Variants in NPAS3 observed in about 807,000 individuals in gnomAD.
NPAS3 encodes neuronal PAS domain protein 3, also known as neuronal PAS domain-containing protein 3.
Under a neutral mutation model 73.1 loss-of-function variants are expected in NPAS3, and 14 were observed. The observed-to-expected ratio is 0.19, with a 90% CI of 0.13 to 0.30. The LOEUF (loss-of-function observed/expected upper bound fraction) is 0.30, where lower values mean the gene tolerates loss of function less well. Among genes scored for constraint, NPAS3 ranks in the 10% least tolerant of loss-of-function variants. The pLI is 1.00. For missense variants in NPAS3, 1,096 were observed against 1,250.0 expected (o/e 0.88, Z 1.86); for synonymous variants, 620 against 541.5 (o/e 1.14, Z -2.01).
At chr14:33,586,419 TAAAAG>T (rs1241695782) in intron 5 of NPAS3, among the ~76,000 whole-genome samples, 1 of 152,014 alleles carries the variant, frequency 6.6e-6, no homozygotes, top group African/African-American at 2.4e-5. Flanking sequence ...ATATAAAAGA[TAAAAG>T]AAGAATATAA....
At chr14:32,965,102 A>G (rs1378110848) in intron 1 of NPAS3, among the ~76,000 whole-genome samples, 1 of 152,230 alleles carries the variant, frequency 6.6e-6, no homozygotes, top group African/African-American at 2.4e-5. Flanking sequence ...AAAGCTCAGG[A>G]CTTGATGGAT....
At chr14:33,002,105 T>C (rs182889297) in intron 1 of NPAS3, among the ~76,000 whole-genome samples, 1 of 152,370 alleles carries the variant, frequency 6.6e-6, no homozygotes, top group Non-Finnish European at 1.5e-5. Context: ...CCAGTAATAC[T>C]TCACTTGTGT....
intron 2 of NPAS3, among the ~76,000 whole-genome samples, chr14:33,096,942 T>C (rs527677573): frequency 6.6e-6 from 1 of 152,360 alleles, no homozygotes; most frequent in African/African-American, 2.4e-5. Flanking sequence ...CCACTACTTA[T>C]GTTAACTACT....
chr14:33,554,208 A>T (rs1490246263), intron 4 of NPAS3, among the ~76,000 whole-genome samples: 1 of 152,164 alleles, frequency 6.6e-6, no homozygotes, highest in African/African-American at 2.4e-5. Flanking sequence ...ATTAACAGCA[A>T]AGCTGTCTTA....
intron 1 of NPAS3, among the ~76,000 whole-genome samples, chr14:32,945,535 C>T (rs1261309884): frequency 6.6e-6 from 1 of 152,148 alleles, no homozygotes; most frequent in East Asian, 1.9e-4. Flanking sequence ...GTGATAGAGA[C>T]TGAATTCAGG....
At chr14:33,017,773 A>G (rs2039448085) in intron 1 of NPAS3, among the ~76,000 whole-genome samples, 5 of 152,172 alleles carry the variant, frequency 3.3e-5, no homozygotes, top group Non-Finnish European at 7.4e-5. Context: ...TTTAGAATTT[A>G]CTGCACTAAG....
intron 2 of NPAS3, among the ~76,000 whole-genome samples, chr14:33,066,681 G>A (rs2041292876): frequency 6.6e-6 from 1 of 152,182 alleles, no homozygotes; most frequent in Non-Finnish European, 1.5e-5. Flanking sequence ...CTCTGAAACA[G>A]AGACAGGAGA....
intron 2 of NPAS3, among the ~76,000 whole-genome samples, chr14:33,095,592 G>A (rs1230138635): frequency 6.6e-6 from 1 of 151,340 alleles, no homozygotes; most frequent in African/African-American, 2.4e-5. Flanking sequence ...AGAAAGTCTG[G>A]ATGTTAGTAT....
At chr14:33,753,495 T>A (rs1595555371) in intron 7 of NPAS3, among the ~76,000 whole-genome samples, 1 of 152,162 alleles carries the variant, frequency 6.6e-6, no homozygotes, top group East Asian at 1.9e-4. Flanking sequence ...TTTGGCCAGT[T>A]CAGATTGATT....
At chr14:33,526,292 CA>C (rs2053798912) in intron 4 of NPAS3, among the ~76,000 whole-genome samples, 3 of 139,900 alleles carry the variant, frequency 2.1e-5, no homozygotes, top group African/African-American at 7.8e-5. Flanking sequence ...ACTGAAGTCA[CA>C]TATAGTTTTT....
intron 9 of NPAS3, among the ~76,000 whole-genome samples, chr14:33,783,015 A>G (rs1375945846): frequency 1.3e-5 from 2 of 152,146 alleles, no homozygotes; most frequent in African/African-American, 4.8e-5. Context: ...GGGACTAATT[A>G]GTATATCCCC....
chr14:33,582,184 C>T (rs1208126435), intron 5 of NPAS3: 1 of 152,156 alleles, frequency 6.6e-6, no homozygotes, highest in African/African-American at 2.4e-5. Flanking sequence ...TTGACCTTCT[C>T]ATAGCATGGT....
chr14:33,677,782 T>C (rs1413487855), intron 6 of NPAS3, among the ~76,000 whole-genome samples: 1 of 152,230 alleles, frequency 6.6e-6, no homozygotes, highest in African/African-American at 2.4e-5. Flanking sequence ...ATATTTAAGA[T>C]TATTCTTTAC....
At chr14:33,343,523 G>T (rs887735962) in intron 3 of NPAS3, among the ~76,000 whole-genome samples, 3 of 152,022 alleles carry the variant, frequency 2.0e-5, no homozygotes, top group Admixed American at 6.5e-5. Flanking sequence ...ATGTTCCCCA[G>T]TGTTAGGCTT....
At chr14:33,561,671 G>T (rs545520229) in intron 5 of NPAS3, among the ~76,000 whole-genome samples, 1 of 152,284 alleles carries the variant, frequency 6.6e-6, no homozygotes, top group South Asian at 2.1e-4. Context: ...TCGCGATGTT[G>T]TTATTACCAT....
chr14:33,674,811 C>CTGA (rs1483437227), intron 5 of NPAS3, among the ~76,000 whole-genome samples: 1 of 152,128 alleles, frequency 6.6e-6, no homozygotes, highest in Admixed American at 6.6e-5. Context: ...CCTATGTTAA[C>CTGA]TGATAGATGT....
chr14:33,129,584 T>C (rs1313320725), intron 2 of NPAS3, among the ~76,000 whole-genome samples: 3 of 152,168 alleles, frequency 2.0e-5, no homozygotes, highest in East Asian at 3.9e-4. Flanking sequence ...TTGCCAAGGA[T>C]AGTTTGTATC....
At chr14:33,172,728 A>C (rs553695550) in intron 2 of NPAS3, among the ~76,000 whole-genome samples, 79 of 149,602 alleles carry the variant, frequency 5.3e-4, no homozygotes, top group South Asian at 3.6e-3. Flanking sequence ...GGTGACAGCC[A>C]GACCCAGCCT....
chr14:33,377,066 T>C (rs967414445), intron 4 of NPAS3, among the ~76,000 whole-genome samples: 1 of 152,206 alleles, frequency 6.6e-6, no homozygotes, highest in Admixed American at 6.6e-5. Context: ...AGATAAATAT[T>C]CTTTATTGAA....
Sources: gnomAD v4.1 joint callset for allele counts (sites outside exome capture counted in the v4.1 genomes callset) on GRCh38, gnomAD v4.1.1 for gene constraint, MANE v1.5 for transcripts, NCBI Gene and HGNC (gene_info 2026-07-23, HGNC 2026-07-21) for gene names.